Variants in BMP6 observed in about 807,000 individuals in gnomAD.
BMP6 encodes VG-1-R.
In BMP6, 17 loss-of-function variants were observed where a neutral mutation model predicts 54.1. The observed-to-expected ratio is 0.31, with a 90% CI of 0.22 to 0.47. BMP6 has a LOEUF of 0.47. BMP6 is among the 20% of genes least tolerant of loss of function. BMP6 has a pLI of 1.00. For missense variants in BMP6, 720 were observed against 690.4 expected (o/e 1.04, Z -0.48); for synonymous variants, 328 against 291.2 (o/e 1.13, Z -1.28).
At chr6:7,826,167 G>C (rs748422654) in intron 1 of BMP6, among the ~76,000 whole-genome samples, 56 of 152,268 alleles carry the variant, frequency 3.7e-4, no homozygotes, top group Non-Finnish European at 7.6e-4. Context: ...TTCTCTCTCT[G>C]TCTGCGAGTC....
intron 1 of BMP6, among the ~76,000 whole-genome samples, chr6:7,781,956 G>A (rs1385410384): frequency 6.6e-6 from 1 of 151,512 alleles, no homozygotes; most frequent in African/African-American, 2.4e-5. Context: ...CTGTGGTGAG[G>A]ATGGTAGGGG....
intron 4 of BMP6, among the ~76,000 whole-genome samples, chr6:7,867,377 G>C (rs1043436513): frequency 1.3e-5 from 2 of 152,200 alleles, no homozygotes; most frequent in Non-Finnish European, 2.9e-5. Context: ...GTCATCTCTT[G>C]CAAAACAGCT....
chr6:7,759,275 T>C (rs1757571423), intron 1 of BMP6, among the ~76,000 whole-genome samples: 1 of 152,176 alleles, frequency 6.6e-6, no homozygotes, highest in Admixed American at 6.5e-5. Flanking sequence ...GGTCATACAT[T>C]GCCACAGAAT....
At chr6:7,832,989 G>A (rs953156691) in intron 1 of BMP6, among the ~76,000 whole-genome samples, 1 of 151,982 alleles carries the variant, frequency 6.6e-6, no homozygotes, top group Non-Finnish European at 1.5e-5. Flanking sequence ...AGGGCTCTTG[G>A]CAGGCCTGTT....
chr6:7,727,470 G>A lies in BMP6; in HGVS notation c.515G>A (p.Arg172Gln). The A allele has an allele frequency of 1.9e-6, 3 of 1,595,286 alleles. No homozygotes were observed. Among genetic ancestry groups the A allele is most frequent in the Non-Finnish European group, 2.6e-6 (3 of 1,174,976 alleles). Residue 172 changes from arginine (R) to glutamine (Q), a missense_variant, in exon 1 of 7, where the codon CGG becomes CAG. Arg to Gln is a conservative substitution (Grantham distance 43). Around this residue, in one of 3 missense-constraint regions of BMP6, gnomAD observed 650 missense variants for 556.3 expected, o/e 1.17. Coordinates refer to ENST00000283147, the MANE Select transcript of BMP6 (RefSeq NM_001718.6). ...PHEAASSSQR[R>Q]QPPPGAAHPL... ...GAAGCAGCCAGCTCGTCCCAGCGTC[G>A]GCAGCCGCCCCCGGGCGCCGCGCAC...
Position 7,880,681 on chromosome 6 carries a change from G to T in BMP6, c.*338G>T. ...AGCTGTAGATCAAGCTATTTGGGGT[G>T]TTTGTTAGTAAATAGGGAAAATAAT... On this transcript the variant is annotated 3_prime_UTR_variant, in exon 7 of 7. Transcript: ENST00000283147. 1 of 333,748 alleles carries T rather than the reference G, an allele frequency of 3.0e-6. No individual in the cohort carries two copies. The highest frequency in any genetic ancestry group is 5.6e-6 in the Non-Finnish European group (1 of 178,426). 20.7% of individuals were successfully genotyped at this position (333,748 alleles called of 1,614,324 possible).
chr6:7,880,257 A>G lies in BMP6; in HGVS notation c.1456A>G (p.Ile486Val), dbSNP rs750861649. 2.5e-6 allele frequency: 4 copies of G among 1,614,192 alleles called. No homozygotes were observed. The highest frequency in any genetic ancestry group is 3.4e-6 in the Non-Finnish European group (4 of 1,180,044). The change falls in exon 7 of 7, where the codon ATC becomes GTC. Residue 486 changes from isoleucine to valine, a missense_variant. This residue lies in a region of BMP6 where 43 missense variants were observed against 54.0 expected (regional missense o/e 0.80). Transcript: ENST00000283147. ...CTGTGCGCCAACTAAGCTAAATGCC[A>G]TCTCGGTTCTTTACTTTGATGACAA... ...PCCAPTKLNA[I>V]SVLYFDDNSN...
At position 7,779,484 on chromosome 6, in the gene BMP6, G is replaced by A. The variant is rs1236429246; in HGVS notation, c.664+51865G>A. ...CTCCCGAGTAGCTGGGATTACAGGC[G>A]CCCACCACCACGCCCAGGCTAATTT... On this transcript the variant is annotated intron_variant, in intron 1 of 6. Transcript: ENST00000283147. Among the ~76,000 whole-genome samples the A allele has an allele frequency of 2.6e-5, 4 of 151,894 alleles. No homozygotes were observed. The East Asian group carries it at 5.8e-4, about 22-fold the overall frequency.
chr6:7,729,924 C>G (rs181808550), intron 1 of BMP6, among the ~76,000 whole-genome samples: 1 of 152,140 alleles, frequency 6.6e-6, no homozygotes, highest in Non-Finnish European at 1.5e-5. Flanking sequence ...AGGCTGGACT[C>G]AAAACTCCTG....
At chr6:7,807,598 A>G (rs2113205915) in intron 1 of BMP6, among the ~76,000 whole-genome samples, 1 of 152,202 alleles carries the variant, frequency 6.6e-6, no homozygotes, top group South Asian at 2.1e-4. Context: ...TTTAACATGC[A>G]CATTTTGGGG....
At position 7,867,545 on chromosome 6, in the gene BMP6, A is replaced by C. The variant is rs114123552; in HGVS notation, c.1204+5047A>C. Reference sequence around the variant, plus strand: ...AGCTGACTGGGTCGGTCCACCATGGACATTCAAAGCTTGGGAAGAATAGAC... The same window carrying C: ...AGCTGACTGGGTCGGTCCACCATGGCCATTCAAAGCTTGGGAAGAATAGAC... On this transcript the variant is annotated intron_variant, in intron 4 of 6. Transcript: ENST00000283147. Among the ~76,000 whole-genome samples, 1,309 of 152,330 alleles carry C rather than the reference A, an allele frequency of 8.6e-3. 12 individuals carry two copies. Among genetic ancestry groups the C allele is most frequent in the African/African-American group, 0.03 (1,254 of 41,566 alleles).
chr6:7,775,301 T>C (rs1757846676), intron 1 of BMP6, among the ~76,000 whole-genome samples: 1 of 152,104 alleles, frequency 6.6e-6, no homozygotes, highest in African/African-American at 2.4e-5. Context: ...ATATATAAAT[T>C]CTCTCTCCTT....
intron 1 of BMP6, among the ~76,000 whole-genome samples, chr6:7,775,854 CA>C (rs1253408772): frequency 6.6e-6 from 1 of 152,138 alleles, no homozygotes; most frequent in East Asian, 1.9e-4. Flanking sequence ...CAAAACTAAA[CA>C]TTTGGGGTAG....
At chr6:7,814,684 G>C (rs1326405326) in intron 1 of BMP6, among the ~76,000 whole-genome samples, 1 of 152,140 alleles carries the variant, frequency 6.6e-6, no homozygotes, top group African/African-American at 2.4e-5. Context: ...ACCAGTTCCT[G>C]TTCTGTCCCT....
At chr6:7,866,434 C>T (rs1759425432) in intron 4 of BMP6, among the ~76,000 whole-genome samples, 1 of 152,222 alleles carries the variant, frequency 6.6e-6, no homozygotes, top group African/African-American at 2.4e-5. Flanking sequence ...TATGGTAGCT[C>T]TCACTTGGGG....
At chr6:7,801,492 T>C (rs1041640264) in intron 1 of BMP6, among the ~76,000 whole-genome samples, 10 of 152,204 alleles carry the variant, frequency 6.6e-5, no homozygotes, top group Non-Finnish European at 2.9e-5. Flanking sequence ...AGATCCATAG[T>C]GATCAAATGC....
intron 1 of BMP6, among the ~76,000 whole-genome samples, chr6:7,805,398 TGTA>T (rs1758333441): frequency 6.6e-6 from 1 of 152,260 alleles, no homozygotes; most frequent in Non-Finnish European, 1.5e-5. Flanking sequence ...TTATCTTGGT[TGTA>T]GTCACCTTAA....
In BMP6 at chr6:7,852,930, G is replaced by A. The variant is rs184743812; in HGVS notation, c.857+7598G>A. Among the ~76,000 whole-genome samples, 299 of 151,624 alleles carry A rather than the reference G, an allele frequency of 2.0e-3. 3 individuals are homozygous for A. Among genetic ancestry groups the A allele is most frequent in the African/African-American group, 6.9e-3 (284 of 41,174 alleles). On this transcript the variant is annotated intron_variant, in intron 2 of 6. Transcript: ENST00000283147. ...ATCACTTTTATGAGCTCATTTCCAT[G>A]CAGCCCCCTTTTTTTCTGGGACTTT...
intron 1 of BMP6, among the ~76,000 whole-genome samples, chr6:7,768,926 C>T (rs1322970819): frequency 2.6e-5 from 4 of 152,218 alleles, no homozygotes; most frequent in African/African-American, 9.6e-5. Flanking sequence ...AACTATAAAA[C>T]CAGGAGGCCA....
Sources: allele counts gnomAD v4.1 joint callset (sites outside exome capture counted in the v4.1 genomes callset), GRCh38; gene constraint gnomAD v4.1.1; regional missense constraint gnomAD v4.1.1; transcripts MANE v1.5; gene names NCBI Gene and HGNC (gene_info 2026-07-23, HGNC 2026-07-21).